FAF1: variants seen among roughly 807,000 people sequenced by gnomAD.
The protein encoded by FAF1 is Fas associated factor 1.
A neutral mutation model predicts 92.5 loss-of-function variants in FAF1; 25 were observed. That is an observed-to-expected ratio of 0.27 (90% confidence interval 0.20 to 0.38). FAF1 has a LOEUF of 0.38. Ranked by LOEUF, FAF1 falls within the 10% of genes least tolerant of loss-of-function variation. The pLI, the probability that FAF1 is intolerant of heterozygous loss-of-function variation, is 1.00. For synonymous variants in FAF1, 234 were observed against 273.2 expected (o/e 0.86, Z 1.42); for missense variants, 636 against 793.3 (o/e 0.80, Z 2.38).
At chr1:50,653,276 C>A (rs967963909) in intron 8 of FAF1, among the ~76,000 whole-genome samples, 4 of 152,010 alleles carry the variant, frequency 2.6e-5, no homozygotes, top group African/African-American at 4.8e-5. Flanking sequence ...ATGCTAAAAT[C>A]AGTTTTTCAG....
intron 17 of FAF1, among the ~76,000 whole-genome samples, chr1:50,483,116 T>C (rs957392950): frequency 1.3e-5 from 2 of 152,186 alleles, no homozygotes; most frequent in African/African-American, 4.8e-5. Flanking sequence ...GTTTTAGATT[T>C]TACATTTAGG....
intron 1 of FAF1, among the ~76,000 whole-genome samples, chr1:50,893,701 T>G (rs1644736794): frequency 6.6e-6 from 1 of 152,088 alleles, no homozygotes; most frequent in Non-Finnish European, 1.5e-5. Context: ...GGCTACCAAC[T>G]ATGTTCGCAC....
chr1:50,449,935 C>T (rs1646274776), intron 18 of FAF1, among the ~76,000 whole-genome samples: 1 of 151,822 alleles, frequency 6.6e-6, no homozygotes, highest in Non-Finnish European at 1.5e-5. Flanking sequence ...TGGCTCATGC[C>T]TGTAATCCCA....
chr1:50,909,513 AATC>A (rs1472386004), intron 1 of FAF1, among the ~76,000 whole-genome samples: 1 of 152,208 alleles, frequency 6.6e-6, no homozygotes, highest in Non-Finnish European at 1.5e-5. Context: ...CAGGTACACC[AATC>A]AGATGCAGAT....
rs779661971 is a variant in FAF1, at chr1:50,612,345, T to A, written c.745-16129A>T. On this transcript the variant is annotated intron_variant, in intron 8 of 18. Coordinates refer to ENST00000396153, the MANE Select transcript of FAF1 (RefSeq NM_007051.3). ...GGTTATTTTACCTCAAGCAGATTCC[T>A]CATTTTATTATAAGTTTGATAAATA... The A allele has an allele frequency of 9.6e-6, 12 of 1,244,794 alleles. 1 individual carries two copies. The South Asian group carries it at 1.3e-4, about 14-fold the overall frequency. 77.1% of individuals were successfully genotyped at this position (1,244,794 alleles called of 1,614,324 possible). A position where few individuals can be genotyped will look rare whatever the true frequency, so the allele number is the denominator to read the frequency against.
intron 2 of FAF1, among the ~76,000 whole-genome samples, chr1:50,845,774 T>A (rs753616729): frequency 4.6e-5 from 7 of 151,894 alleles, no homozygotes; most frequent in Non-Finnish European, 7.4e-5. Flanking sequence ...CTGGGAGAAA[T>A]AAACCTCAAA....
intron 1 of FAF1, among the ~76,000 whole-genome samples, chr1:50,914,040 A>G (rs901746927): frequency 3.9e-5 from 6 of 152,216 alleles, no homozygotes; most frequent in African/African-American, 1.4e-4. Flanking sequence ...AATCTCCTGT[A>G]TATCTGTTAC....
intron 1 of FAF1, among the ~76,000 whole-genome samples, chr1:50,861,567 T>C (rs1035518627): frequency 2.6e-5 from 4 of 151,314 alleles, no homozygotes; most frequent in Non-Finnish European, 5.9e-5. Flanking sequence ...GGGTAGGAGG[T>C]AGTAAGGGAC....
chr1:50,712,475 G>A (rs551027332), intron 6 of FAF1, among the ~76,000 whole-genome samples: 1 of 152,220 alleles, frequency 6.6e-6, no homozygotes, highest in South Asian at 2.1e-4. Context: ...GGCCAACATG[G>A]TGAAACCCTG....
At chr1:50,761,723 A>G (rs993777814) in intron 4 of FAF1, among the ~76,000 whole-genome samples, 10 of 152,084 alleles carry the variant, frequency 6.6e-5, no homozygotes, top group African/African-American at 1.4e-4. Flanking sequence ...CAAACCCACA[A>G]CCAATATCAT....
intron 1 of FAF1, among the ~76,000 whole-genome samples, chr1:50,907,480 G>A (rs1644849429): frequency 6.6e-6 from 1 of 152,134 alleles, no homozygotes; most frequent in African/African-American, 2.4e-5. Context: ...TGTACCTCTG[G>A]TAGAATTCGG....
intron 1 of FAF1, among the ~76,000 whole-genome samples, chr1:50,875,430 TC>T (rs1239335338): frequency 2.6e-5 from 4 of 152,096 alleles, no homozygotes; most frequent in African/African-American, 4.8e-5. Flanking sequence ...TACCCAACTT[TC>T]AAAAATATGA....
At chr1:50,848,893 G>C (rs1440566058) in intron 2 of FAF1, among the ~76,000 whole-genome samples, 1 of 152,184 alleles carries the variant, frequency 6.6e-6, no homozygotes, top group African/African-American at 2.4e-5. Context: ...CATTAAATGT[G>C]ATCTTGAACC....
At chr1:50,654,368 T>C (rs937809315) in intron 8 of FAF1, among the ~76,000 whole-genome samples, 1 of 152,192 alleles carries the variant, frequency 6.6e-6, no homozygotes, top group African/African-American at 2.4e-5. Context: ...ATTTTTACTT[T>C]TACTTTTTAA....
rs142729164 is a variant in FAF1 at position 50,716,766 on chromosome 1, C to T, written c.552-10875G>A. Among the ~76,000 whole-genome samples, 463 of 152,306 alleles carry T rather than the reference C, an allele frequency of 3.0e-3. 1 individual carries two copies. The highest frequency in any genetic ancestry group is 0.011 in the African/African-American group (449 of 41,558). Reference sequence around the variant, plus strand: ...GCTAAAGGACTGTAAATGCACCAATCGGCACTCTGTAAAATGGACCAACCA... The same window carrying T: ...GCTAAAGGACTGTAAATGCACCAATTGGCACTCTGTAAAATGGACCAACCA... On this transcript the variant is annotated intron_variant, in intron 6 of 18. Coordinates refer to ENST00000396153, the MANE Select transcript of FAF1 (RefSeq NM_007051.3).
rs1218636372 is a variant in FAF1 at position 50,771,462 on chromosome 1, C to T, written c.367+16538G>A. Among the ~76,000 whole-genome samples, 5 of 152,024 alleles carry T rather than the reference C, an allele frequency of 3.3e-5. No homozygotes were observed. The East Asian group carries it at 9.6e-4, about 29-fold the overall frequency. On this transcript the variant is annotated intron_variant, in intron 4 of 18. Transcript: ENST00000396153. Reference sequence around the variant, plus strand: ...CCCATTAAAAAGTAGGCAAAGGACACGATCAGATACTTTTTGAAAGAAGCC... The same window carrying T: ...CCCATTAAAAAGTAGGCAAAGGACATGATCAGATACTTTTTGAAAGAAGCC...
chr1:50,804,621 T>C lies in FAF1; in HGVS notation c.115-2944A>G, dbSNP rs193300444. ...AACTAAATTATAAAAGCTAAAAAGA[T>C]ACATGGGAAACTAAGAATAATTGAC... On this transcript the variant is annotated intron_variant, in intron 2 of 18. Coordinates refer to ENST00000396153, the MANE Select transcript of FAF1 (RefSeq NM_007051.3). Among the ~76,000 whole-genome samples the C allele has an allele frequency of 2.6e-5, 4 of 152,276 alleles. No homozygotes were observed. The East Asian group carries it at 7.7e-4, about 29-fold the overall frequency.
intron 4 of FAF1, among the ~76,000 whole-genome samples, chr1:50,758,654 T>G (rs993760025): frequency 2.6e-5 from 4 of 152,226 alleles, no homozygotes; most frequent in Admixed American, 2.0e-4. Flanking sequence ...TATCGTTTTC[T>G]TTCAGGCTGC....
intron 3 of FAF1, among the ~76,000 whole-genome samples, chr1:50,791,217 G>A (rs1661551906): frequency 1.3e-5 from 2 of 152,198 alleles, no homozygotes. Flanking sequence ...AATCCAAAGT[G>A]AGCTCTTAAA....
Sources: gnomAD v4.1 joint callset for allele counts (sites outside exome capture counted in the v4.1 genomes callset) on GRCh38, gnomAD v4.1.1 for gene constraint, MANE v1.5 for transcripts, NCBI Gene and HGNC (gene_info 2026-07-23, HGNC 2026-07-21) for gene names.